SF3B6: variants seen among roughly 807,000 people sequenced by gnomAD.
The protein encoded by SF3B6 is splicing factor 3b subunit 6.
SF3B6 carries 3 observed loss-of-function variants against 15.9 expected under a neutral mutation model. The observed-to-expected ratio is 0.19, with a 90% CI of 0.09 to 0.49. The LOEUF (loss-of-function observed/expected upper bound fraction) is 0.49. Among genes scored for constraint, SF3B6 ranks in the 20% least tolerant of loss-of-function variants. The pLI is 0.97. For synonymous variants in SF3B6, 49 were observed against 51.1 expected (o/e 0.96, Z 0.18); for missense variants, 71 against 154.3 (o/e 0.46, Z 2.86).
At chr2:24,074,637 G>A (rs1664702924) in intron 1 of SF3B6, among the ~76,000 whole-genome samples, 1 of 152,114 alleles carries the variant, frequency 6.6e-6, no homozygotes, top group Non-Finnish European at 1.5e-5. Flanking sequence ...CTTGTTTCTT[G>A]GAGAAAATAG....
chr2:24,072,450 A>G (rs970011327), intron 2 of SF3B6, among the ~76,000 whole-genome samples: 1 of 152,212 alleles, frequency 6.6e-6, no homozygotes, highest in Non-Finnish European at 1.5e-5. Flanking sequence ...CAGCAAAACC[A>G]TGTGTTAACC....
At chr2:24,072,927 C>T (rs557296821) in intron 2 of SF3B6, among the ~76,000 whole-genome samples, 7 of 152,202 alleles carry the variant, frequency 4.6e-5, no homozygotes, top group Non-Finnish European at 1.0e-4. Context: ...GGTTTCTTGA[C>T]CTAGAGTCCA....
At chr2:24,070,305 G>T (rs1037764801) in intron 2 of SF3B6, among the ~76,000 whole-genome samples, 1 of 152,148 alleles carries the variant, frequency 6.6e-6, no homozygotes, top group Admixed American at 6.5e-5. Flanking sequence ...CACCATGCCC[G>T]ACTAATTTTT....
intron 2 of SF3B6, among the ~76,000 whole-genome samples, chr2:24,072,691 T>TA (rs970113057): frequency 2.6e-5 from 4 of 152,176 alleles, no homozygotes; most frequent in African/African-American, 9.7e-5. Flanking sequence ...ACCCAGGCCT[T>TA]ACAACCAATC....
chr2:24,069,900 C>T (rs1162593943), intron 2 of SF3B6, among the ~76,000 whole-genome samples: 3 of 152,162 alleles, frequency 2.0e-5, no homozygotes, highest in Non-Finnish European at 4.4e-5. Context: ...TCCTTAAGAG[C>T]AAAGGTGATC....
At chr2:24,073,975 T>C (rs138305972) in intron 2 of SF3B6, 101 bp downstream of exon 2, 47 of 752,918 alleles carry the variant, frequency 6.2e-5, no homozygotes, top group Middle Eastern at 3.3e-4. Flanking sequence ...TTGGTAAGGG[T>C]TGTCGCACTG....
chr2:24,070,731 T>C (rs1664640146), intron 2 of SF3B6, among the ~76,000 whole-genome samples: 1 of 152,136 alleles, frequency 6.6e-6, no homozygotes, highest in African/African-American at 2.4e-5. Context: ...ACTGGGAAGG[T>C]TGGTCACCCT....
At chr2:24,071,488 T>C (rs1452660774) in intron 2 of SF3B6, among the ~76,000 whole-genome samples, 1 of 151,992 alleles carries the variant, frequency 6.6e-6, no homozygotes, top group East Asian at 2.0e-4. Context: ...GCCTGTAATC[T>C]CAGCAACTCA....
At chr2:24,076,113 G>A in intron 1 of SF3B6, 87 bp downstream of exon 1, 1 of 1,531,394 alleles carries the variant, frequency 6.5e-7, no homozygotes, top group Non-Finnish European at 9.1e-7. Context: ...TCTGGGGACG[G>A]AGGAGGAGCA....
At position 24,076,067 on chromosome 2, in the gene SF3B6, C is replaced by T. The variant is rs1664740625; in HGVS notation, c.30+133G>A. ...CTCTGAGGATGGGGCCGGATAGTGT[C>T]TTCGCTGACAGGATAGGAATTCTGG... On this transcript the variant is annotated intron_variant, in intron 1 of 3. Transcript: ENST00000233468. The T allele has an allele frequency of 2.1e-5, 25 of 1,183,222 alleles. No individual in the cohort carries two copies. In the South Asian group the frequency reaches 3.0e-4, roughly 14 times the overall value. The allele number at this position is 1,183,222 out of a possible 1,614,324, so 73.3% of individuals were successfully genotyped here. A position where few individuals can be genotyped will look rare whatever the true frequency, so the allele number is the denominator to read the frequency against.
intron 1 of SF3B6, among the ~76,000 whole-genome samples, chr2:24,075,129 A>C (rs1664713111): frequency 2.7e-5 from 4 of 149,154 alleles, no homozygotes; most frequent in Admixed American, 2.0e-4. Context: ...AGTCCATCTC[A>C]AAAAAAAAAG....
At chr2:24,067,981 T>C in intron 3 of SF3B6, 130 bp from the exon 4 acceptor site, 1 of 791,868 alleles carries the variant, frequency 1.3e-6, no homozygotes, top group Non-Finnish European at 2.1e-6. Context: ...ACTAATTCTC[T>C]TGAGACGGAG....
chr2:24,068,029 C>T (rs1664588128), intron 3 of SF3B6, among the ~76,000 whole-genome samples, 178 bp from the exon 4 acceptor site: 1 of 152,228 alleles, frequency 6.6e-6, no homozygotes, highest in Non-Finnish European at 1.5e-5. Flanking sequence ...GTGGCGTGAT[C>T]TTGGCTCACT....
intron 2 of SF3B6, among the ~76,000 whole-genome samples, chr2:24,068,869 T>C (rs981644887): frequency 5.3e-5 from 8 of 152,156 alleles, no homozygotes; most frequent in Non-Finnish European, 5.9e-5. Flanking sequence ...TTTTTTGAGA[T>C]AGACTCTCAC....
intron 2 of SF3B6, 35 bp from the exon 3 acceptor site, chr2:24,068,494 A>G (rs1198659571): frequency 6.4e-7 from 1 of 1,565,536 alleles, no homozygotes; most frequent in Non-Finnish European, 8.7e-7. Flanking sequence ...TAAGATATAC[A>G]TTTACCTGAG....
Position 24,067,686 on chromosome 2 carries a change from A to T in SF3B6, c.*76T>A. The T allele has an allele frequency of 8.8e-7, 1 of 1,139,372 alleles. No individual in the cohort carries two copies. Among genetic ancestry groups the T allele is most frequent in the Non-Finnish European group, 1.3e-6 (1 of 770,236 alleles). 70.6% of individuals were successfully genotyped at this position (1,139,372 alleles called of 1,614,324 possible). A position where few individuals can be genotyped will look rare whatever the true frequency, so the allele number is the denominator to read the frequency against. ...CCTCAAATAAGAAATCACAATATTT[A>T]GTATTAATTAAAAAGGAAAAAAAGG... On this transcript the variant is annotated 3_prime_UTR_variant, in exon 4 of 4. Coordinates refer to ENST00000233468, the MANE Select transcript of SF3B6 (RefSeq NM_016047.4).
intron 1 of SF3B6, among the ~76,000 whole-genome samples, chr2:24,075,246 C>T (rs908943597): frequency 2.0e-5 from 3 of 152,136 alleles, no homozygotes; most frequent in African/African-American, 7.2e-5. Flanking sequence ...CACCCCACTG[C>T]AATCAAGTTT....
intron 2 of SF3B6, among the ~76,000 whole-genome samples, chr2:24,072,425 T>C (rs1664671593): frequency 6.6e-6 from 1 of 152,012 alleles, no homozygotes; most frequent in Non-Finnish European, 1.5e-5. Flanking sequence ...GGGTGACAGA[T>C]GAATATAGAG....
At chr2:24,075,765 G>A (rs907341735) in intron 1 of SF3B6, among the ~76,000 whole-genome samples, 1 of 151,812 alleles carries the variant, frequency 6.6e-6, no homozygotes, top group African/African-American at 2.4e-5. Context: ...CATAGTAGGT[G>A]CTCAAAAAAT....
Sources: gnomAD v4.1 joint callset for allele counts (sites outside exome capture counted in the v4.1 genomes callset) on GRCh38, gnomAD v4.1.1 for gene constraint, MANE v1.5 for transcripts, NCBI Gene and HGNC (gene_info 2026-07-23, HGNC 2026-07-21) for gene names.